The following CHST11 variants were observed in gnomAD, a reference collection of about 807,000 sequenced individuals.
The protein encoded by CHST11 is C4S-1.
A neutral mutation model predicts 30.4 loss-of-function variants in CHST11; 9 were observed. That is an observed-to-expected ratio of 0.30 (90% CI 0.18 to 0.52). The LOEUF (loss-of-function observed/expected upper bound fraction) is 0.52. CHST11 is among the 20% of genes least tolerant of loss of function. The probability of loss-of-function intolerance (pLI) is 0.97; values close to 1 mark genes in which losing one functional copy is unlikely to be tolerated. For synonymous variants in CHST11, 152 were observed against 187.8 expected (o/e 0.81, Z 1.56); for missense variants, 348 against 460.6 (o/e 0.76, Z 2.24).
chr12:104,741,209 G>T (rs1189744814), intron 2 of CHST11, among the ~76,000 whole-genome samples: 1 of 152,212 alleles, frequency 6.6e-6, no homozygotes, highest in Non-Finnish European at 1.5e-5. Flanking sequence ...TGAAGGTAAA[G>T]GTGGTGGAAA....
chr12:104,477,141 C>T (rs2037570809), intron 1 of CHST11, among the ~76,000 whole-genome samples: 1 of 152,146 alleles, frequency 6.6e-6, no homozygotes, highest in Non-Finnish European at 1.5e-5. Context: ...TATAATAGAT[C>T]ATCCTTAGGA....
intron 2 of CHST11, among the ~76,000 whole-genome samples, chr12:104,754,211 G>A (rs1270549554): frequency 6.6e-6 from 1 of 152,132 alleles, no homozygotes; most frequent in Admixed American, 6.5e-5. Context: ...TCTGGCTGAG[G>A]GTCTCAGCAT....
chr12:104,720,857 A>G (rs1249117426), intron 2 of CHST11, among the ~76,000 whole-genome samples: 1 of 152,142 alleles, frequency 6.6e-6, no homozygotes, highest in Non-Finnish European at 1.5e-5. Context: ...TTTTAAAATG[A>G]CAGCACGTCT....
At chr12:104,633,086 T>C (rs1189194297) in intron 2 of CHST11, among the ~76,000 whole-genome samples, 1 of 152,188 alleles carries the variant, frequency 6.6e-6, no homozygotes, top group East Asian at 1.9e-4. Context: ...AGTTTATAAA[T>C]GCACGAAAGC....
At chr12:104,534,198 C>T (rs1214526107) in intron 1 of CHST11, among the ~76,000 whole-genome samples, 2 of 152,018 alleles carry the variant, frequency 1.3e-5, no homozygotes, top group South Asian at 2.1e-4. Flanking sequence ...CATATTTCAG[C>T]GATAAATTTG....
intron 1 of CHST11, among the ~76,000 whole-genome samples, chr12:104,533,682 C>T (rs1250799053): frequency 6.6e-6 from 1 of 152,164 alleles, no homozygotes; most frequent in African/African-American, 2.4e-5. Flanking sequence ...AAACTGTGCT[C>T]CCAGAAGACA....
At chr12:104,483,821 CTG>C in intron 1 of CHST11, among the ~76,000 whole-genome samples, 1 of 152,250 alleles carries the variant, frequency 6.6e-6, no homozygotes, top group Non-Finnish European at 1.5e-5. Context: ...CAGGTGAGGC[CTG>C]GGGTCGGGGA....
At chr12:104,704,616 T>C (rs1408424761) in intron 2 of CHST11, among the ~76,000 whole-genome samples, 2 of 152,168 alleles carry the variant, frequency 1.3e-5, no homozygotes, top group African/African-American at 2.4e-5. Context: ...CCCAAGTCTT[T>C]TGTTCTCTTT....
intron 1 of CHST11, among the ~76,000 whole-genome samples, chr12:104,551,487 C>T (rs1293411586): frequency 6.6e-6 from 1 of 152,060 alleles, no homozygotes; most frequent in African/African-American, 2.4e-5. Context: ...GCTCAAGTTG[C>T]TAGAATCACC....
At chr12:104,573,444 A>G (rs950308503) in intron 1 of CHST11, among the ~76,000 whole-genome samples, 5 of 151,826 alleles carry the variant, frequency 3.3e-5, no homozygotes, top group East Asian at 1.9e-4. Flanking sequence ...GCATCACGCT[A>G]CCTGACTTCA....
intron 2 of CHST11, among the ~76,000 whole-genome samples, chr12:104,678,623 G>A (rs1424040597): frequency 6.6e-6 from 1 of 152,168 alleles, no homozygotes; most frequent in Non-Finnish European, 1.5e-5. Flanking sequence ...TTCAGCAATT[G>A]TATCAGTTAT....
chr12:104,553,928 G>T (rs1044387283), intron 1 of CHST11, among the ~76,000 whole-genome samples: 1 of 152,136 alleles, frequency 6.6e-6, no homozygotes, highest in Non-Finnish European at 1.5e-5. Context: ...CTCAGTGAAG[G>T]TATCAGCCAG....
chr12:104,674,980 C>G (rs2136098186), intron 2 of CHST11, among the ~76,000 whole-genome samples: 1 of 152,254 alleles, frequency 6.6e-6, no homozygotes, highest in South Asian at 2.1e-4. Context: ...TACATAGTGA[C>G]TTGAAAAATA....
At chr12:104,488,740 C>CGTGTGT (rs56383997) in intron 1 of CHST11, among the ~76,000 whole-genome samples, 1,957 of 145,800 alleles carry the variant, frequency 0.013, 17 homozygotes, top group Middle Eastern at 0.021. Flanking sequence ...TATGTGTACG[C>CGTGTGT]GTGTGTGTGT....
intron 1 of CHST11, among the ~76,000 whole-genome samples, chr12:104,488,699 GTGTA>G (rs2037714174): frequency 7.3e-6 from 1 of 136,948 alleles, no homozygotes; most frequent in South Asian, 2.1e-4. Context: ...GCGTATGTGT[GTGTA>G]TGTGTGTATG....
At chr12:104,518,974 CT>C (rs5800625) in intron 1 of CHST11, among the ~76,000 whole-genome samples, 80,009 of 132,176 alleles carry the variant, frequency 0.61, 24,260 homozygotes, top group African/African-American at 0.76. Context: ...TTTTTTCTTT[CT>C]TTTTTTTTTT....
chr12:104,457,589 G>T (rs2037365417), intron 1 of CHST11, 60 bp downstream of exon 1: 1 of 1,229,204 alleles, frequency 8.1e-7, no homozygotes, highest in Non-Finnish European at 1.2e-6. Flanking sequence ...GCTCTAGCTC[G>T]CTCCGCCTGA....
intron 1 of CHST11, among the ~76,000 whole-genome samples, chr12:104,581,045 T>A (rs2038738296): frequency 6.6e-6 from 1 of 152,228 alleles, no homozygotes; most frequent in Admixed American, 6.5e-5. Flanking sequence ...TTCTGGTGTT[T>A]TTCTGGCCCT....
chr12:104,521,767 T>C (rs1407073417), intron 1 of CHST11, among the ~76,000 whole-genome samples: 2 of 152,224 alleles, frequency 1.3e-5, no homozygotes, highest in African/African-American at 2.4e-5. Context: ...AAAAGTTGAT[T>C]TGAGTCTACT....
Sources: gnomAD v4.1 joint callset for allele counts (sites outside exome capture counted in the v4.1 genomes callset) on GRCh38, gnomAD v4.1.1 for gene constraint, MANE v1.5 for transcripts, NCBI Gene and HGNC (gene_info 2026-07-23, HGNC 2026-07-21) for gene names.